COL11A1: variants seen among roughly 807,000 people sequenced by gnomAD.
The protein encoded by COL11A1 is collagen alpha-1(XI) chain.
Under a neutral mutation model 265.2 loss-of-function variants are expected in COL11A1, and 74 were observed. The observed-to-expected ratio is 0.28, with a 90% CI of 0.23 to 0.34. The LOEUF is 0.34. Among genes scored for constraint, COL11A1 ranks in the 10% least tolerant of loss-of-function variants. COL11A1 has a pLI of 1.00. For synonymous variants in COL11A1, 816 were observed against 727.6 expected, an observed-to-expected ratio of 1.12 and a Z score of -1.96; for missense variants, 2,165 against 2,263.6, an observed-to-expected ratio of 0.96 and a Z score of 0.88.
chr1:103,027,857 A>AT (rs1557967240), intron 5 of COL11A1, among the ~76,000 whole-genome samples: 1 of 152,096 alleles, frequency 6.6e-6, no homozygotes, highest in South Asian at 2.1e-4. Flanking sequence ...ATTTTATATC[A>AT]TTTTTTCTCT....
intron 4 of COL11A1, among the ~76,000 whole-genome samples, chr1:103,060,932 T>A (rs1376100663): frequency 6.6e-6 from 1 of 151,862 alleles, no homozygotes; most frequent in Non-Finnish European, 1.5e-5. Flanking sequence ...TAAATATGAA[T>A]GATTTAAATA....
At chr1:102,943,986 T>G (rs902887052) in intron 42 of COL11A1, among the ~76,000 whole-genome samples, 1 of 152,116 alleles carries the variant, frequency 6.6e-6, no homozygotes, top group African/African-American at 2.4e-5. Context: ...CCTTTCTTCT[T>G]ACCTGCTTTC....
chr1:102,967,227 C>CTTTTTTTTTTTTTTTTTTTTTTTTTTTTT lies in COL11A1; in HGVS notation c.2863-1716_2863-1688dup, dbSNP rs35303945. Among the ~76,000 whole-genome samples the CTTTTTTTTTTTTTTTTTTTTTTTTTTTTT allele has an allele frequency of 5.7e-5, 3 of 52,754 alleles. 1 individual carries two copies. The highest frequency in any genetic ancestry group is 1.6e-4 in the African/African-American group (2 of 12,456). 34.6% of individuals were successfully genotyped at this position (52,754 alleles called of 152,430 possible). ...CCCACAAAACCAAACATAATAAATT[C>CTTTTTTTTTTTTTTTTTTTTTTTTTTTTT]TTTTTTTTTTTTTTTTTTTTTTTTT... On this transcript the variant is annotated intron_variant, in intron 37 of 66. Transcript: ENST00000370096.
chr1:102,948,200 A>G (rs1659516582), intron 41 of COL11A1, among the ~76,000 whole-genome samples: 1 of 152,118 alleles, frequency 6.6e-6, no homozygotes, highest in African/African-American at 2.4e-5. Context: ...TTGTATTAAC[A>G]TAATGCTTTA....
At chr1:102,947,681 A>G (rs1417095181) in intron 41 of COL11A1, among the ~76,000 whole-genome samples, 1 of 151,994 alleles carries the variant, frequency 6.6e-6, no homozygotes, top group East Asian at 1.9e-4. Flanking sequence ...CCTCATATAT[A>G]TAGATTTTTG....
At chr1:103,060,605 T>A (rs1670597001) in intron 4 of COL11A1, among the ~76,000 whole-genome samples, 1 of 152,164 alleles carries the variant, frequency 6.6e-6, no homozygotes, top group Non-Finnish European at 1.5e-5. Context: ...GATACTTGCT[T>A]GCATTACTCA....
intron 57 of COL11A1, among the ~76,000 whole-genome samples, chr1:102,894,828 T>C (rs951500168): frequency 1.3e-5 from 2 of 152,056 alleles, no homozygotes; most frequent in South Asian, 4.1e-4. Flanking sequence ...CAGGCTGGAG[T>C]GCAATGGTGT....
intron 12 of COL11A1, 151 bp from the exon 13 acceptor site, chr1:103,014,745 T>G (rs1345008928): frequency 1.4e-6 from 1 of 704,044 alleles, no homozygotes; most frequent in Non-Finnish European, 2.5e-6. Context: ...AGATCTAGTT[T>G]GTATTGTTTT....
intron 41 of COL11A1, among the ~76,000 whole-genome samples, chr1:102,955,420 G>T (rs915270918): frequency 6.6e-6 from 1 of 152,098 alleles, no homozygotes; most frequent in Admixed American, 6.5e-5. Context: ...CTGCTATACC[G>T]CACAATTTTG....
chr1:103,004,803 G>T, intron 18 of COL11A1, 142 bp from the exon 19 acceptor site: 1 of 633,508 alleles, frequency 1.6e-6, no homozygotes, highest in Non-Finnish European at 2.7e-6. Flanking sequence ...AAAAAATTTT[G>T]CAGATAAATC....
chr1:103,006,375 G>T, intron 15 of COL11A1, 60 bp from the exon 16 acceptor site: 1 of 1,293,938 alleles, frequency 7.7e-7, no homozygotes, highest in Non-Finnish European at 1.1e-6. Context: ...AAACTCAATA[G>T]CATCAAGAGA....
Position 102,984,123 on chromosome 1 carries a change from A to G in COL11A1, c.2556+15T>C. On this transcript the variant is annotated intron_variant, in intron 31 of 66. Transcript: ENST00000370096. ...CACGAAATGTTAATAAACTATAAAT[A>G]TCAAGCTGTTTTACCTTTGGACCTT... 1.9e-6 allele frequency: 3 copies of G among 1,568,734 alleles called. No homozygotes were observed. The highest frequency in any genetic ancestry group is 2.2e-5 in the East Asian group (1 of 44,474).
chr1:103,099,441 C>T (rs1674057139), intron 1 of COL11A1, among the ~76,000 whole-genome samples: 1 of 149,440 alleles, frequency 6.7e-6, no homozygotes, highest in Non-Finnish European at 1.5e-5. Context: ...CATGTACCCA[C>T]ACACATCCAT....
chr1:102,922,506 T>C (rs989536643), intron 47 of COL11A1, among the ~76,000 whole-genome samples: 2 of 152,112 alleles, frequency 1.3e-5, no homozygotes, highest in African/African-American at 4.8e-5. Flanking sequence ...ACGCCATTCT[T>C]CTGTCTCAGC....
intron 4 of COL11A1, among the ~76,000 whole-genome samples, chr1:103,043,216 T>A (rs751891797): frequency 3.2e-5 from 3 of 93,994 alleles, no homozygotes; most frequent in African/African-American, 1.3e-4. Context: ...ATATATGAAA[T>A]ATATATATAA....
At chr1:103,014,166 A>C (rs1055541142) in intron 13 of COL11A1, among the ~76,000 whole-genome samples, 1 of 152,104 alleles carries the variant, frequency 6.6e-6, no homozygotes, top group African/African-American at 2.4e-5. Context: ...TCATTGACTT[A>C]TAAGTTAGCA....
At chr1:103,027,456 G>A (rs1234647112) in intron 5 of COL11A1, among the ~76,000 whole-genome samples, 3 of 124,272 alleles carry the variant, frequency 2.4e-5, no homozygotes, top group East Asian at 4.6e-4. Flanking sequence ...CATGCATGCC[G>A]GGGCAATTTA....
At chr1:103,092,972 A>G (rs934152718) in intron 1 of COL11A1, among the ~76,000 whole-genome samples, 1 of 150,296 alleles carries the variant, frequency 6.7e-6, no homozygotes, top group Admixed American at 6.6e-5. Context: ...TGTTCCAAAA[A>G]CAAACAAACA....
intron 4 of COL11A1, among the ~76,000 whole-genome samples, chr1:103,039,366 A>G (rs552578794): frequency 9.2e-5 from 14 of 152,092 alleles, no homozygotes; most frequent in Non-Finnish European, 1.9e-4. Flanking sequence ...TGTCCCCTCG[A>G]ATTTGTATGT....
Sources: gnomAD v4.1 joint callset for allele counts (sites outside exome capture counted in the v4.1 genomes callset) on GRCh38, gnomAD v4.1.1 for gene constraint, MANE v1.5 for transcripts, NCBI Gene and HGNC (gene_info 2026-07-23, HGNC 2026-07-21) for gene names.